RYR1: variants seen among roughly 807,000 people sequenced by gnomAD.
RYR1 encodes central core disease of muscle.
In RYR1, 342 loss-of-function variants were observed where a neutral mutation model predicts 583.5. The ratio of observed to expected loss-of-function variants is 0.59; its 90% confidence interval spans 0.54 to 0.64. The LOEUF (loss-of-function observed/expected upper bound fraction) is 0.64. Among genes scored for constraint, RYR1 ranks in the 30% least tolerant of loss-of-function variants. The pLI is 0.00. For missense variants in RYR1, 6,032 were observed against 6,917.2 expected, an observed-to-expected ratio of 0.87 and a Z score of 4.54; for synonymous variants, 2,791 against 2,822.5, an observed-to-expected ratio of 0.99 and a Z score of 0.35.
chr19:38,576,737 C>A (rs1434051442), intron 97 of RYR1, among the ~76,000 whole-genome samples: 1 of 151,520 alleles, frequency 6.6e-6, no homozygotes, highest in African/African-American at 2.4e-5. Context: ...GCGGCAGAGG[C>A]TGCAGTGAGC....
At chr19:38,472,331 C>T (rs1177323172) in intron 27 of RYR1, among the ~76,000 whole-genome samples, 1 of 152,014 alleles carries the variant, frequency 6.6e-6, no homozygotes, top group African/African-American at 2.4e-5. Flanking sequence ...AAACTCCTGA[C>T]CTCAGGTGAT....
At chr19:38,514,572 G>A (rs971527168) in intron 63 of RYR1, among the ~76,000 whole-genome samples, 6 of 151,900 alleles carry the variant, frequency 3.9e-5, no homozygotes, top group East Asian at 1.9e-4. Context: ...GAGCCTCTGC[G>A]CCAACCCTAA....
At chr19:38,581,831 C>T (rs1974226584) in intron 101 of RYR1, among the ~76,000 whole-genome samples, 1 of 149,860 alleles carries the variant, frequency 6.7e-6, no homozygotes, top group African/African-American at 2.5e-5. Context: ...TTGTCTCGAA[C>T]TCCTGACCTC....
chr19:38,565,552 G>C lies in RYR1; in HGVS notation c.13218G>C (p.Glu4406Asp). The change falls in exon 91 of 106, where the codon GAG (glutamate) becomes GAC (aspartate). Residue 4406 changes from glutamate (E) to aspartate (D), a missense_variant. By Grantham distance (45) the Glu-to-Asp change is conservative. Coordinates refer to ENST00000359596, the MANE Select transcript of RYR1 (RefSeq NM_000540.3). This position sits in a 1 kb window ranked among gnomAD's most constrained non-coding sequence, Gnocchi z 4.7. Reference sequence around the variant, plus strand: ...GGCCGGGCGGAGACGCAGACGGCGAGGGTGCCAGCGAGGGCGCTGGAGACG... The same window carrying C: ...GGCCGGGCGGAGACGCAGACGGCGACGGTGCCAGCGAGGGCGCTGGAGACG... ...PAGPGGDADG[E>D]GASEGAGDAA... The C allele has an allele frequency of 6.7e-7, 1 of 1,487,634 alleles. No individual in the cohort carries two copies. The highest frequency in any genetic ancestry group is 1.3e-5 in the South Asian group (1 of 79,028). 92.2% of individuals were successfully genotyped at this position (1,487,634 alleles called of 1,614,324 possible). A position where few individuals can be genotyped will look rare whatever the true frequency, so the allele number is the denominator to read the frequency against.
intron 58 of RYR1, among the ~76,000 whole-genome samples, chr19:38,508,903 G>A (rs2145648097): frequency 6.6e-6 from 1 of 152,286 alleles, no homozygotes; most frequent in South Asian, 2.1e-4. Context: ...TGACTGGGGT[G>A]GGGACAGGAG....
At chr19:38,493,425 C>T (rs1769226895) in intron 38 of RYR1, among the ~76,000 whole-genome samples, 1 of 152,204 alleles carries the variant, frequency 6.6e-6, no homozygotes, top group African/African-American at 2.4e-5. Context: ...CAACTATGGG[C>T]CAGGCACTGT....
chr19:38,517,062 A>C (rs1971002816), intron 65 of RYR1, among the ~76,000 whole-genome samples: 1 of 152,014 alleles, frequency 6.6e-6, no homozygotes, highest in African/African-American at 2.4e-5. Flanking sequence ...GCTGTACAGC[A>C]GGGGTGAGGG....
At chr19:38,498,062 G>C (rs1217696186) in intron 42 of RYR1, among the ~76,000 whole-genome samples, 1 of 152,198 alleles carries the variant, frequency 6.6e-6, no homozygotes, top group Admixed American at 6.5e-5. Flanking sequence ...GTCATCATGG[G>C]GAAGAGCATT....
intron 57 of RYR1, 134 bp from the exon 58 acceptor site, chr19:38,507,578 G>C (rs1970529989): frequency 4.2e-6 from 3 of 719,568 alleles, no homozygotes; most frequent in African/African-American, 3.5e-5. Context: ...GGGGGACTCA[G>C]AGTGGAGCCC....
intron 31 of RYR1, among the ~76,000 whole-genome samples, chr19:38,482,053 A>C (rs547010900): frequency 6.6e-6 from 1 of 152,094 alleles, no homozygotes; most frequent in African/African-American, 2.4e-5. Context: ...ATGCCACTGC[A>C]CTCTCTAGCC....
intron 27 of RYR1, among the ~76,000 whole-genome samples, chr19:38,472,976 A>G (rs1367153435): frequency 6.7e-6 from 1 of 150,022 alleles, no homozygotes; most frequent in Non-Finnish European, 1.5e-5. Context: ...AGATCCTGCT[A>G]TTGCACTCCA....
rs949572326 is a variant in RYR1 at position 38,565,885 on chromosome 19, C to G, written c.13437+114C>G. Reference sequence around the variant, plus strand: ...GGAGAGAACTGGCTAGGGGGATGGGCACACGCACCCACGGAGGACGCACCC... The same window carrying G: ...GGAGAGAACTGGCTAGGGGGATGGGGACACGCACCCACGGAGGACGCACCC... On this transcript the variant is annotated intron_variant, in intron 91 of 105. Coordinates refer to ENST00000359596, the MANE Select transcript of RYR1 (RefSeq NM_000540.3). This position sits in a 1 kb window ranked among gnomAD's most constrained non-coding sequence, Gnocchi z 4.7. 1.8e-5 allele frequency: 21 copies of G among 1,180,638 alleles called. No homozygotes were observed. The highest frequency in any genetic ancestry group is 2.2e-5 in the Non-Finnish European group (20 of 920,272). 73.1% of individuals were successfully genotyped at this position (1,180,638 alleles called of 1,614,324 possible).
chr19:38,527,538 C>T, intron 72 of RYR1, 109 bp from the exon 73 acceptor site: 1 of 1,373,616 alleles, frequency 7.3e-7, no homozygotes, highest in Non-Finnish European at 1.0e-6. Flanking sequence ...AGAAGAAAGG[C>T]CTCAACATGC....
chr19:38,520,318 A>G (rs944436418), intron 67 of RYR1, among the ~76,000 whole-genome samples: 3 of 147,362 alleles, frequency 2.0e-5, no homozygotes, highest in Non-Finnish European at 4.5e-5. Flanking sequence ...CTCCCACCTC[A>G]GCCTCCCAAA....
chr19:38,504,687 G>T, intron 50 of RYR1, 61 bp from the exon 51 acceptor site: 14 of 1,603,274 alleles, frequency 8.7e-6, no homozygotes, highest in Non-Finnish European at 1.1e-5. Flanking sequence ...TGAGTTTGAG[G>T]TCCTGGGGGT....
In RYR1 at chr19:38,570,658, GC is replaced by G; in HGVS notation, c.13712del (p.Ala4571AspfsTer77). The G allele has an allele frequency of 6.2e-7, 1 of 1,614,000 alleles. No individual in the cohort carries two copies. Among genetic ancestry groups the G allele is most frequent in the Non-Finnish European group, 8.5e-7 (1 of 1,179,986 alleles). On this transcript the variant is annotated frameshift_variant, in exon 94 of 106. Coordinates refer to ENST00000359596, the MANE Select transcript of RYR1 (RefSeq NM_000540.3). LOFTEE classifies it high-confidence loss of function. ...YTLRFLALFL[A>X]FAINFILLFY... The stretch of plus-strand genomic sequence containing the variant: ...CCTGCGGTTCCTTGCCCTCTTCTTG[GC>G]ATTTGCCATCAACTTCATCTTGCTG...
At chr19:38,477,004 C>T (rs1246654019) in intron 29 of RYR1, among the ~76,000 whole-genome samples, 1 of 148,792 alleles carries the variant, frequency 6.7e-6, no homozygotes, top group Non-Finnish European at 1.5e-5. Flanking sequence ...GCACTCCAGC[C>T]TGGATGACAG....
chr19:38,520,918 A>G (rs1207479384), intron 67 of RYR1, among the ~76,000 whole-genome samples: 2 of 152,162 alleles, frequency 1.3e-5, no homozygotes, highest in African/African-American at 4.8e-5. Context: ...GAATGAAAGA[A>G]GCCAGAAAAC....
At chr19:38,509,450 A>ATTTTTTTTT (rs534650223) in intron 58 of RYR1, among the ~76,000 whole-genome samples, 4 of 104,354 alleles carry the variant, frequency 3.8e-5, no homozygotes, top group Non-Finnish European at 5.9e-5. Context: ...TATTATTATT[A>ATTTTTTTTT]TTTTTTTTTT....
Sources: gnomAD v4.1 joint callset for allele counts (sites outside exome capture counted in the v4.1 genomes callset) on GRCh38, gnomAD v4.1.1 for gene constraint, Gnocchi (gnomAD v3.1) non-coding constraint, MANE v1.5 for transcripts, NCBI Gene and HGNC (gene_info 2026-07-23, HGNC 2026-07-21) for gene names.